The following CFAP46 variants were observed in gnomAD, a reference collection of about 807,000 sequenced individuals.
CFAP46 encodes cilia and flagella associated protein 46.
CFAP46 carries 245 observed loss-of-function variants against 325.7 expected under a neutral mutation model. The ratio of observed to expected loss-of-function variants is 0.75; its 90% CI spans 0.68 to 0.84. CFAP46 has a LOEUF of 0.84. CFAP46 is among the 40% of genes least tolerant of loss of function. CFAP46 has a pLI of 0.00. For missense variants in CFAP46, 3,346 were observed against 3,543.0 expected (o/e 0.94, Z 1.41); for synonymous variants, 1,523 against 1,495.9 (o/e 1.02, Z -0.42).
At chr10:132,809,689 G>T (rs992989901) in intron 57 of CFAP46, among the ~76,000 whole-genome samples, 1 of 152,188 alleles carries the variant, frequency 6.6e-6, no homozygotes, top group South Asian at 2.1e-4. Context: ...CCTCCCCGGG[G>T]TCCCGGGAAG....
intron 22 of CFAP46, among the ~76,000 whole-genome samples, chr10:132,903,118 C>T (rs1237466485): frequency 2.0e-5 from 3 of 147,092 alleles, no homozygotes; most frequent in Non-Finnish European, 3.0e-5. Flanking sequence ...CTGGCCACAG[C>T]TCCAACTTCT....
intron 22 of CFAP46, among the ~76,000 whole-genome samples, chr10:132,905,255 ACTCT>A (rs1849440779): frequency 6.6e-6 from 1 of 151,534 alleles, no homozygotes; most frequent in African/African-American, 2.4e-5. Flanking sequence ...GGTTTCCCGG[ACTCT>A]CTAACTGGTG....
chr10:132,820,745 GCT>G (rs1491019679), intron 50 of CFAP46, among the ~76,000 whole-genome samples: 4 of 130,862 alleles, frequency 3.1e-5, no homozygotes, highest in African/African-American at 1.1e-4. Context: ...ACTGATGTGT[GCT>G]GTGTGTGCTG....
At chr10:132,936,872 C>T (rs1850016125) in intron 7 of CFAP46, 89 bp downstream of exon 7, 2 of 692,836 alleles carry the variant, frequency 2.9e-6, no homozygotes, top group Non-Finnish European at 2.2e-6. Flanking sequence ...CCCCTGGACA[C>T]AGGACCTCCC....
chr10:132,913,147 G>A lies in CFAP46; in HGVS notation c.2232C>T (p.Val744=), dbSNP rs1849580242. 6.4e-7 allele frequency: 1 copy of A among 1,550,452 alleles called. No homozygotes were observed. The highest frequency in any genetic ancestry group is 1.4e-5 in the African/African-American group (1 of 73,184). The part of the protein sequence containing the change: ...AWIVQNAVVY[V]LNHNHHLILA... ...GGATCAGGTGGTGGTTGTGGTTCAGGACGTAGACCACGGCGTTCTGCACAA... is the reference window on the plus strand; with the variant it reads ...GGATCAGGTGGTGGTTGTGGTTCAGAACGTAGACCACGGCGTTCTGCACAA... The change falls in exon 18 of 58, where the codon GTC becomes GTT. Residue 744 remains valine, a synonymous_variant. Coordinates refer to ENST00000368586, the MANE Select transcript of CFAP46 (RefSeq NM_001200049.3).
chr10:132,921,954 G>A lies in CFAP46; in HGVS notation c.1606+150C>T. The A allele has an allele frequency of 3.8e-6, 4 of 1,041,006 alleles. No homozygotes were observed. The South Asian group carries it at 7.1e-5, about 18-fold the overall frequency. The allele number at this position is 1,041,006 out of a possible 1,614,324, so 64.5% of individuals were successfully genotyped here. ...CGCTGGGCTTTGCCAGACCCGGCGG[G>A]CCGAGATCGAAGGACACTGCCGGTG... On this transcript the variant is annotated intron_variant, in intron 13 of 57. Transcript: ENST00000368586.
At chr10:132,848,744 C>T (rs1327779588) in intron 41 of CFAP46, among the ~76,000 whole-genome samples, 1 of 152,234 alleles carries the variant, frequency 6.6e-6, no homozygotes, top group African/African-American at 2.4e-5. Context: ...CTCGGGCCCC[C>T]TCTCCGCCAC....
chr10:132,852,507 C>A (rs901474914), intron 39 of CFAP46, among the ~76,000 whole-genome samples: 3 of 151,564 alleles, frequency 2.0e-5, no homozygotes, highest in Admixed American at 2.0e-4. Flanking sequence ...GATCCACAGA[C>A]GTGGTATGTT....
At chr10:132,891,112 C>T (rs914472125) in intron 25 of CFAP46, among the ~76,000 whole-genome samples, 10 of 152,226 alleles carry the variant, frequency 6.6e-5, no homozygotes, top group East Asian at 3.9e-4. Flanking sequence ...TAGAAAAATG[C>T]GATTTATCTG....
intron 3 of CFAP46, 22 bp from the exon 4 acceptor site, chr10:132,941,082 C>T: frequency 6.2e-7 from 1 of 1,613,602 alleles, no homozygotes; most frequent in South Asian, 1.1e-5. Flanking sequence ...TAAAGAAGCA[C>T]AATTAGACCG....
At position 132,889,673 on chromosome 10, in the gene CFAP46, G is replaced by A. The variant is rs192831911; in HGVS notation, c.3304+2660C>T. On this transcript the variant is annotated intron_variant, in intron 25 of 57. Coordinates refer to ENST00000368586, the MANE Select transcript of CFAP46 (RefSeq NM_001200049.3). This position sits in a 1 kb window ranked among gnomAD's most constrained non-coding sequence, Gnocchi z 6.0. ...CCCAGTACACATCCAATTCACGGGCGGAGGCACTGCAGCCGGACCCCACCC... is the reference window on the plus strand; with the variant it reads ...CCCAGTACACATCCAATTCACGGGCAGAGGCACTGCAGCCGGACCCCACCC... 6.1e-3 allele frequency among the ~76,000 whole-genome samples: 931 copies of A among 152,270 alleles called. 14 individuals carry two copies. The highest frequency in any genetic ancestry group is 0.021 in the African/African-American group (870 of 41,532).
intron 10 of CFAP46, among the ~76,000 whole-genome samples, chr10:132,926,277 G>A (rs1228250856): frequency 2.0e-5 from 3 of 152,178 alleles, no homozygotes; most frequent in African/African-American, 7.2e-5. Context: ...ACGGCGGGGA[G>A]GGGGCAGCTC....
At chr10:132,819,064 A>G (rs995900832) in intron 50 of CFAP46, among the ~76,000 whole-genome samples, 1 of 152,226 alleles carries the variant, frequency 6.6e-6, no homozygotes, top group Non-Finnish European at 1.5e-5. Flanking sequence ...ACAATGAACT[A>G]TCATTAAAAT....
rs184709108 is a variant in CFAP46, at chr10:132,889,730, C to T, written c.3304+2603G>A. 3.3e-4 allele frequency among the ~76,000 whole-genome samples: 50 copies of T among 152,316 alleles called. No homozygotes were observed. The highest frequency in any genetic ancestry group is 6.8e-3 in the Middle Eastern group (2 of 294). ...CATTCCTGTGGACCGTCTCCTCCTC[C>T]CCGGAGGCCGTCAGCTCCATGGTGC... On this transcript the variant is annotated intron_variant, in intron 25 of 57. Coordinates refer to ENST00000368586, the MANE Select transcript of CFAP46 (RefSeq NM_001200049.3). This position sits in a 1 kb window ranked among gnomAD's most constrained non-coding sequence, Gnocchi z 6.0.
At chr10:132,809,924 C>T (rs534256095) in intron 57 of CFAP46, among the ~76,000 whole-genome samples, 16 of 152,352 alleles carry the variant, frequency 1.1e-4, no homozygotes, top group Admixed American at 5.9e-4. Flanking sequence ...CCCATGCATT[C>T]CTCTTCCGGG....
chr10:132,820,929 GTGTGCGCTGA>G (rs1847793797), intron 50 of CFAP46, among the ~76,000 whole-genome samples: 1 of 122,370 alleles, frequency 8.2e-6, no homozygotes. Context: ...TGTGTGCTGT[GTGTGCGCTGA>G]TGTGTGCTGT....
chr10:132,942,335 G>T, intron 1 of CFAP46, 101 bp downstream of exon 1: 2 of 1,147,232 alleles, frequency 1.7e-6, no homozygotes, highest in South Asian at 1.7e-5. Flanking sequence ...ATCACCCATT[G>T]GGCGGGCTGG....
intron 50 of CFAP46, among the ~76,000 whole-genome samples, chr10:132,823,273 ATGTGTGCTGTGTGTGCTGTGTGTTG>A (rs1847930385): frequency 1.4e-5 from 1 of 73,408 alleles, no homozygotes; most frequent in South Asian, 5.6e-4. Context: ...GTGAGTGCTG[ATGTGTGCTGTGTGTGCTGTGTGTTG>A]TGTGTGCTGT....
intron 2 of CFAP46, 84 bp downstream of exon 2, chr10:132,941,896 C>A: frequency 6.5e-7 from 1 of 1,527,738 alleles, no homozygotes; most frequent in African/African-American, 1.4e-5. Flanking sequence ...TCTCCCCAGC[C>A]CCACTCTGCA....
Sources: gnomAD v4.1 joint callset for allele counts (sites outside exome capture counted in the v4.1 genomes callset) on GRCh38, gnomAD v4.1.1 for gene constraint, Gnocchi (gnomAD v3.1) non-coding constraint, MANE v1.5 for transcripts, NCBI Gene and HGNC (gene_info 2026-07-23, HGNC 2026-07-21) for gene names.